Variants in MYO5B observed in about 807,000 individuals in gnomAD.
The protein encoded by MYO5B is myosin VB.
In MYO5B, 143 loss-of-function variants were observed where a neutral mutation model predicts 229.3. The ratio of observed to expected loss-of-function variants is 0.62; its 90% confidence interval spans 0.54 to 0.72. MYO5B has a LOEUF of 0.72. MYO5B is among the 30% of genes least tolerant of loss of function. The pLI is 0.00. For missense variants in MYO5B, 2,321 were observed against 2,331.0 expected, an observed-to-expected ratio of 1.00 and a Z score of 0.09; for synonymous variants, 918 against 885.2, an observed-to-expected ratio of 1.04 and a Z score of -0.66.
At chr18:49,937,139 A>C in intron 15 of MYO5B, 106 bp downstream of exon 15, 1 of 1,398,572 alleles carries the variant, frequency 7.2e-7, no homozygotes, top group South Asian at 1.2e-5. Flanking sequence ...TACTGATGTC[A>C]AGGCTGCTGT....
chr18:50,078,839 C>A (rs372513703), intron 1 of MYO5B, among the ~76,000 whole-genome samples: 2 of 151,598 alleles, frequency 1.3e-5, no homozygotes, highest in South Asian at 2.1e-4. Flanking sequence ...TAGAAAAAAA[C>A]CCAATGTTCA....
intron 20 of MYO5B, among the ~76,000 whole-genome samples, chr18:49,904,435 C>T (rs1320091052): frequency 6.6e-6 from 1 of 152,188 alleles, no homozygotes; most frequent in Non-Finnish European, 1.5e-5. Flanking sequence ...AACCTCTTTT[C>T]TTCATAAATC....
chr18:50,123,490 G>C (rs1407197416), intron 1 of MYO5B, among the ~76,000 whole-genome samples: 1 of 152,170 alleles, frequency 6.6e-6, no homozygotes, highest in East Asian at 1.9e-4. Flanking sequence ...AGCGATGGAG[G>C]ATAAGGTGGG....
At chr18:49,897,250 G>T (rs1003297650) in intron 21 of MYO5B, among the ~76,000 whole-genome samples, 1 of 152,258 alleles carries the variant, frequency 6.6e-6, no homozygotes, top group African/African-American at 2.4e-5. Flanking sequence ...CTGGCAGAGG[G>T]CAGGGCATGG....
intron 1 of MYO5B, among the ~76,000 whole-genome samples, chr18:50,141,509 C>CT (rs1288897587): frequency 6.6e-6 from 1 of 152,206 alleles, no homozygotes; most frequent in Non-Finnish European, 1.5e-5. Context: ...ACCAGCTCCC[C>CT]TTGAATTCTT....
chr18:49,918,179 G>T (rs931848953), intron 17 of MYO5B, among the ~76,000 whole-genome samples: 1 of 152,182 alleles, frequency 6.6e-6, no homozygotes, highest in Non-Finnish European at 1.5e-5. Context: ...CCATCTGCAC[G>T]TGCAAATATT....
At chr18:50,089,089 T>C (rs2031391702) in intron 1 of MYO5B, among the ~76,000 whole-genome samples, 1 of 152,120 alleles carries the variant, frequency 6.6e-6, no homozygotes, top group South Asian at 2.1e-4. Flanking sequence ...GCTCAAGTTA[T>C]AGGAACCTGG....
At position 49,996,130 on chromosome 18, in the gene MYO5B, G is replaced by A. The variant is rs901305843; in HGVS notation, c.613-3699C>T. On this transcript the variant is annotated intron_variant, in intron 5 of 39. Transcript: ENST00000285039. ...TACCATATCTGAGATCATTCCTTGT[G>A]ATAGCTTAGGAAAACTTTGCCCAAG... Among the ~76,000 whole-genome samples the A allele has an allele frequency of 3.3e-5, 5 of 152,170 alleles. No homozygotes were observed. In the East Asian group the frequency reaches 7.7e-4, roughly 23 times the overall value.
chr18:49,886,992 C>A (rs1419452449), intron 22 of MYO5B, among the ~76,000 whole-genome samples: 1 of 152,116 alleles, frequency 6.6e-6, no homozygotes, highest in African/African-American at 2.4e-5. Context: ...AAATGTGATT[C>A]CTAATGTTGG....
At chr18:49,837,471 T>C (rs1200277345) in intron 37 of MYO5B, 46 bp downstream of exon 37, 2 of 1,608,910 alleles carry the variant, frequency 1.2e-6, no homozygotes, top group Non-Finnish European at 1.7e-6. Context: ...CTGCAGTCAG[T>C]GAGGGCCCAC....
At chr18:50,140,482 T>C (rs1171563302) in intron 1 of MYO5B, among the ~76,000 whole-genome samples, 2 of 152,350 alleles carry the variant, frequency 1.3e-5, no homozygotes, top group Non-Finnish European at 2.9e-5. Flanking sequence ...CCTGGGCTAA[T>C]GGTCCTGAAG....
intron 28 of MYO5B, 136 bp downstream of exon 28, chr18:49,864,005 T>C: frequency 7.4e-7 from 1 of 1,346,046 alleles, no homozygotes; most frequent in Non-Finnish European, 1.0e-6. Context: ...CTCTGCCTTT[T>C]TGGAGGAGAC....
intron 10 of MYO5B, among the ~76,000 whole-genome samples, chr18:49,973,826 G>A (rs60927194): frequency 0.063 from 9,652 of 152,198 alleles, 443 homozygotes; most frequent in East Asian, 0.22. Flanking sequence ...CAATCAGGCT[G>A]GAATTCTGAA....
intron 1 of MYO5B, among the ~76,000 whole-genome samples, chr18:50,119,130 T>G (rs2032016261): frequency 6.6e-6 from 1 of 152,172 alleles, no homozygotes; most frequent in Admixed American, 6.5e-5. Context: ...GGAAACAGAT[T>G]CCTGGATTCC....
intron 1 of MYO5B, among the ~76,000 whole-genome samples, chr18:50,070,240 T>A (rs750458280): frequency 1.3e-5 from 2 of 152,028 alleles, no homozygotes; most frequent in Non-Finnish European, 2.9e-5. Flanking sequence ...ACCAGGCTAG[T>A]CTTGAACTCC....
chr18:49,952,437 C>T (rs1440448747), intron 14 of MYO5B, among the ~76,000 whole-genome samples: 1 of 151,688 alleles, frequency 6.6e-6, no homozygotes, highest in Non-Finnish European at 1.5e-5. Flanking sequence ...CACGCTTCCC[C>T]TGACTCTACC....
intron 1 of MYO5B, among the ~76,000 whole-genome samples, chr18:50,158,279 G>T (rs1044129383): frequency 5.3e-5 from 8 of 152,166 alleles, no homozygotes; most frequent in Admixed American, 2.6e-4. Context: ...AGAAATAGAT[G>T]GAAGATCCCT....
chr18:49,988,330 C>T (rs2025893725), intron 7 of MYO5B, among the ~76,000 whole-genome samples: 1 of 152,186 alleles, frequency 6.6e-6, no homozygotes, highest in Admixed American at 6.5e-5. Flanking sequence ...GACAGCCTGA[C>T]ACCAGAGCAC....
intron 1 of MYO5B, among the ~76,000 whole-genome samples, chr18:50,167,129 T>C (rs2032863813): frequency 6.6e-6 from 1 of 152,260 alleles, no homozygotes; most frequent in South Asian, 2.1e-4. Context: ...GAAAAGGCTA[T>C]AGTACACTGT....
Sources: gnomAD v4.1 joint callset for allele counts (sites outside exome capture counted in the v4.1 genomes callset) on GRCh38, gnomAD v4.1.1 for gene constraint, MANE v1.5 for transcripts, NCBI Gene and HGNC (gene_info 2026-07-23, HGNC 2026-07-21) for gene names.